Variants in PRKN observed in about 807,000 individuals in gnomAD.
PRKN encodes parkin RBR E3 ubiquitin protein ligase, also known as E3 ubiquitin-protein ligase parkin.
A neutral mutation model predicts 59.5 loss-of-function variants in PRKN; 56 were observed. That is an observed-to-expected ratio of 0.94 (90% confidence interval 0.76 to 1.18). PRKN has a LOEUF of 1.18. Among genes scored for constraint, PRKN ranks in the 50% most tolerant of loss-of-function variants. The pLI is 0.00. For synonymous variants in PRKN, 250 were observed against 222.1 expected, an observed-to-expected ratio of 1.13 and a Z score of -1.12; for missense variants, 657 against 596.4, an observed-to-expected ratio of 1.10 and a Z score of -1.06.
intron 1 of PRKN, among the ~76,000 whole-genome samples, chr6:162,481,478 A>G (rs1792308338): frequency 6.6e-6 from 1 of 152,190 alleles, no homozygotes; most frequent in Non-Finnish European, 1.5e-5. Flanking sequence ...GTTAACGTAT[A>G]ATGTTTCCAT....
At chr6:161,849,495 G>A (rs564004804) in intron 6 of PRKN, among the ~76,000 whole-genome samples, 5 of 151,892 alleles carry the variant, frequency 3.3e-5, no homozygotes, top group South Asian at 4.2e-4. Context: ...TGTGTTTGCC[G>A]AAACCCACCC....
chr6:162,280,801 A>G (rs1320190079), intron 2 of PRKN, among the ~76,000 whole-genome samples: 3 of 150,164 alleles, frequency 2.0e-5, no homozygotes, highest in African/African-American at 4.9e-5. Context: ...CATCTCAAAA[A>G]AAAAAAAAAA....
chr6:162,716,374 T>C (rs2092052933), intron 1 of PRKN, among the ~76,000 whole-genome samples: 1 of 152,204 alleles, frequency 6.6e-6, no homozygotes, highest in South Asian at 2.1e-4. Context: ...AAATTCTAAC[T>C]GTATAATTTT....
At chr6:161,976,775 T>G (rs1157291405) in intron 5 of PRKN, among the ~76,000 whole-genome samples, 1 of 152,188 alleles carries the variant, frequency 6.6e-6, no homozygotes, top group African/African-American at 2.4e-5. Context: ...AACAGCTGAG[T>G]TGGCAGGACT....
chr6:162,051,431 C>T (rs4348296), intron 5 of PRKN, among the ~76,000 whole-genome samples: 57,960 of 152,022 alleles, frequency 0.38, 11,956 homozygotes, highest in East Asian at 0.62. Flanking sequence ...GGGGACTTTC[C>T]GCCGCAGGTA....
chr6:161,965,921 C>T (rs954783283), intron 6 of PRKN, among the ~76,000 whole-genome samples: 3 of 151,938 alleles, frequency 2.0e-5, no homozygotes, highest in African/African-American at 7.3e-5. Context: ...GTCTCCTATT[C>T]AGATCTTTAA....
At chr6:161,622,797 T>C (rs925105896) in intron 7 of PRKN, among the ~76,000 whole-genome samples, 1 of 152,208 alleles carries the variant, frequency 6.6e-6, no homozygotes, top group African/African-American at 2.4e-5. Flanking sequence ...CCTTCTGAAA[T>C]GAATTTTCAA....
At chr6:161,779,215 T>C (rs1583153486) in intron 7 of PRKN, among the ~76,000 whole-genome samples, 1 of 151,892 alleles carries the variant, frequency 6.6e-6, no homozygotes. Flanking sequence ...GCTGGGATTA[T>C]AGGCATGAGC....
At chr6:162,421,373 C>T (rs1381575292) in intron 2 of PRKN, among the ~76,000 whole-genome samples, 4 of 152,150 alleles carry the variant, frequency 2.6e-5, no homozygotes, top group Non-Finnish European at 5.9e-5. Flanking sequence ...AGAACAATAA[C>T]TAATTTACCT....
rs145935667 is a variant in PRKN, at chr6:162,426,880, G to A, written c.171+16430C>T. On this transcript the variant is annotated intron_variant, in intron 2 of 11. Coordinates refer to ENST00000366898, the MANE Select transcript of PRKN (RefSeq NM_004562.3). ...GATGAAGTAAGTTTTCCACATTAAT[G>A]TGGGAAATCTTATACATCCAATAAC... Among the ~76,000 whole-genome samples, 3 of 152,330 alleles carry A rather than the reference G, an allele frequency of 2.0e-5. No individual in the cohort carries two copies. In the East Asian group the frequency reaches 5.8e-4, roughly 29 times the overall value.
intron 7 of PRKN, among the ~76,000 whole-genome samples, chr6:161,641,074 C>G (rs571297234): frequency 2.6e-5 from 4 of 152,188 alleles, no homozygotes; most frequent in African/African-American, 9.7e-5. Context: ...TATCATTGTT[C>G]ATTCCCGGGC....
intron 7 of PRKN, among the ~76,000 whole-genome samples, chr6:161,638,738 ATTT>A (rs386409169): frequency 8.0e-5 from 8 of 100,184 alleles, no homozygotes; most frequent in South Asian, 6.9e-4. Context: ...ACGAGATCTG[ATTT>A]TTTTTTTTTT....
intron 10 of PRKN, among the ~76,000 whole-genome samples, chr6:161,380,625 C>T (rs1038413717): frequency 2.6e-5 from 4 of 151,984 alleles, no homozygotes; most frequent in Non-Finnish European, 5.9e-5. Context: ...ACTGAGCATC[C>T]TTCTTCTTCC....
chr6:161,571,185 C>G (rs370718761), intron 7 of PRKN, among the ~76,000 whole-genome samples: 8 of 152,062 alleles, frequency 5.3e-5, no homozygotes, highest in Non-Finnish European at 1.2e-4. Context: ...GCTCAAGTGA[C>G]GCTCCCGCTT....
intron 9 of PRKN, among the ~76,000 whole-genome samples, chr6:161,542,351 C>T (rs1467216047): frequency 6.6e-6 from 1 of 152,206 alleles, no homozygotes; most frequent in Admixed American, 6.5e-5. Context: ...CTCCCCGTAG[C>T]TCATCAAAGA....
At chr6:161,855,082 C>CAAAAAAAAAAAA (rs1203185737) in intron 6 of PRKN, among the ~76,000 whole-genome samples, 18 of 45,296 alleles carry the variant, frequency 4.0e-4, no homozygotes, top group East Asian at 6.9e-4. Context: ...GACTTCATCT[C>CAAAAAAAAAAAA]AAAAAAAAAA....
In PRKN at chr6:161,562,611, C is replaced by T. The variant is rs1251727062; in HGVS notation, c.933+6744G>A. On this transcript the variant is annotated intron_variant, in intron 8 of 11. Transcript: ENST00000366898. This position sits in a 1 kb window ranked among gnomAD's most constrained non-coding sequence, Gnocchi z 4.3. ...TCCAAGTCCCGACTTATCTCCTTCT[C>T]CATGCTTCAGGCATAGCAAATGTGT... Among the ~76,000 whole-genome samples the T allele has an allele frequency of 1.3e-5, 2 of 152,208 alleles. No individual in the cohort carries two copies. Among genetic ancestry groups the T allele is most frequent in the African/African-American group, 4.8e-5 (2 of 41,466 alleles).
intron 2 of PRKN, among the ~76,000 whole-genome samples, chr6:162,362,954 C>T (rs1309479188): frequency 1.3e-5 from 2 of 151,572 alleles, no homozygotes; most frequent in Non-Finnish European, 2.9e-5. Flanking sequence ...CGGTGAAATC[C>T]TGTCTCTAAT....
chr6:161,703,833 CTCTCTCTTTTTTTTTTTTTTTTT>C (rs1181555848), intron 7 of PRKN, among the ~76,000 whole-genome samples: 2 of 127,582 alleles, frequency 1.6e-5, no homozygotes, highest in African/African-American at 6.6e-5. Context: ...CTCTCTCTCT[CTCTCTCTTTTTTTTTTTTTTTTT>C]TTTTTTTTTT....
Sources: allele counts gnomAD v4.1 joint callset (sites outside exome capture counted in the v4.1 genomes callset), GRCh38; gene constraint gnomAD v4.1.1; non-coding constraint Gnocchi (gnomAD v3.1); transcripts MANE v1.5; gene names NCBI Gene and HGNC (gene_info 2026-07-23, HGNC 2026-07-21).